CCDC14: variants seen among roughly 807,000 people sequenced by gnomAD.
The protein encoded by CCDC14 is coiled-coil domain containing 14.
Under a neutral mutation model 81.4 loss-of-function variants are expected in CCDC14, and 71 were observed. The ratio of observed to expected loss-of-function variants is 0.87; its 90% CI spans 0.72 to 1.06. The LOEUF (loss-of-function observed/expected upper bound fraction) is 1.06, where lower values mean the gene tolerates loss of function less well. CCDC14 is among the 50% of genes least tolerant of loss of function. The probability of loss-of-function intolerance (pLI) is 0.00; values close to 1 mark genes in which losing one functional copy is unlikely to be tolerated. For missense variants in CCDC14, 1,046 were observed against 1,047.3 expected (o/e 1.00, Z 0.02); for synonymous variants, 332 against 364.8 (o/e 0.91, Z 1.03).
At position 123,914,772 on chromosome 3, in the gene CCDC14, T is replaced by G; in HGVS notation, c.*7A>C. On this transcript the variant is annotated 3_prime_UTR_variant, in exon 13 of 13. Coordinates refer to ENST00000409697, the MANE Select transcript of CCDC14 (RefSeq NM_001366335.1). ...AAAAGAAGCACCTGATGAGTTTTCT[T>G]CTGAATTCATTTCTCCAGAAGACCA... The G allele has an allele frequency of 1.3e-6, 2 of 1,501,486 alleles. No homozygotes were observed. Among genetic ancestry groups the G allele is most frequent in the Non-Finnish European group, 1.8e-6 (2 of 1,124,810 alleles). 93.0% of individuals were successfully genotyped at this position (1,501,486 alleles called of 1,614,324 possible). A position where few individuals can be genotyped will look rare whatever the true frequency, so the allele number is the denominator to read the frequency against.
intron 5 of CCDC14, among the ~76,000 whole-genome samples, chr3:123,899,381 G>A (rs1421583943): frequency 6.6e-6 from 1 of 152,144 alleles, no homozygotes; most frequent in African/African-American, 2.4e-5. Context: ...ATCCCCAAAT[G>A]TAAATCTCTA....
chr3:123,893,459 C>T (rs1577191539), downstream of CCDC14, among the ~76,000 whole-genome samples: 1 of 152,080 alleles, frequency 6.6e-6, no homozygotes, highest in South Asian at 2.1e-4. Flanking sequence ...TTTTGTTTAT[C>T]CATTCTTCTG....
chr3:123,923,066 A>G (rs2035147503), intron 12 of CCDC14, among the ~76,000 whole-genome samples: 1 of 152,172 alleles, frequency 6.6e-6, no homozygotes, highest in South Asian at 2.1e-4. Flanking sequence ...ACAATAAATT[A>G]AAAGAATTAT....
Position 123,954,461 on chromosome 3 carries a change from A to C in CCDC14, c.352+1382T>G, listed in dbSNP as rs377150267. The C allele has an allele frequency of 5.9e-5, 9 of 152,340 alleles. No homozygotes were observed. The East Asian group carries it at 9.6e-4, about 16-fold the overall frequency. The allele number at this position is 152,340 out of a possible 1,614,324, so 9.4% of individuals were successfully genotyped here. ...GCTGTAGTGTATTGAGCTTAGACCA[A>C]TGCTGTCCAATAGAAATATAATACA... On this transcript the variant is annotated intron_variant, in intron 5 of 12. Transcript: ENST00000409697.
rs549490423 is a variant in CCDC14, at chr3:123,901,318, T to A, written c.668-3705A>T. Among the ~76,000 whole-genome samples the A allele has an allele frequency of 1.6e-3, 242 of 152,186 alleles. 1 individual carries two copies. Among genetic ancestry groups the A allele is most frequent in the African/African-American group, 5.6e-3 (231 of 41,544 alleles). On this transcript the variant is annotated intron_variant, in intron 5 of 5. Coordinates refer to the CCDC14 transcript ENST00000479903. ...CAGTGATACTATAACACTTATAAAT[T>A]CAATTCAATATAGCATTAGCAAGAA... is the stretch of plus-strand genomic sequence containing the variant.
rs2034522457 is a variant in CCDC14, at chr3:123,914,022, T to C, written c.*757A>G. On this transcript the variant is annotated 3_prime_UTR_variant, in exon 13 of 13. Coordinates refer to ENST00000409697, the MANE Select transcript of CCDC14 (RefSeq NM_001366335.1). ...TCAATGCCAAGATTTACAAATTCCA[T>C]CATGTTTAAATATAAGGACAAAAAT... 1.0e-6 allele frequency: 1 copy of C among 985,198 alleles called. No homozygotes were observed. The highest frequency in any genetic ancestry group is 1.7e-5 in the African/African-American group (1 of 57,190). The allele number at this position is 985,198 out of a possible 1,614,324, so 61.0% of individuals were successfully genotyped here.
intron 7 of CCDC14, 124 bp downstream of exon 7, chr3:123,948,567 A>G (rs2036803256): frequency 2.4e-6 from 2 of 850,438 alleles, no homozygotes; most frequent in Non-Finnish European, 1.8e-6. Flanking sequence ...TTTATAGCAA[A>G]AAAAAATAAA....
intron 7 of CCDC14, among the ~76,000 whole-genome samples, chr3:123,948,414 G>T (rs1449951052): frequency 6.6e-6 from 1 of 151,824 alleles, no homozygotes; most frequent in African/African-American, 2.4e-5. Context: ...GCTAATTTCT[G>T]TATTTTTCGT....
chr3:123,908,354 C>CT (rs1315470813), intron 5 of CCDC14, among the ~76,000 whole-genome samples: 2 of 152,084 alleles, frequency 1.3e-5, no homozygotes, highest in Non-Finnish European at 2.9e-5. Context: ...GGCACACTGT[C>CT]TTATTTGTCT....
In CCDC14 at chr3:123,914,365, A is replaced by T; in HGVS notation, c.*414T>A. ...TAAAAACACATTGCTATTAAAAAAA[A>T]GTATATGTAAACAGAAAAAAAAAAC... On this transcript the variant is annotated 3_prime_UTR_variant, in exon 13 of 13. Coordinates refer to ENST00000409697, the MANE Select transcript of CCDC14 (RefSeq NM_001366335.1). 1 of 985,182 alleles carries T rather than the reference A, an allele frequency of 1.0e-6. No individual in the cohort carries two copies. Among genetic ancestry groups the T allele is most frequent in the Non-Finnish European group, 1.2e-6 (1 of 829,606 alleles). 61.0% of individuals were successfully genotyped at this position (985,182 alleles called of 1,614,324 possible).
intron 9 of CCDC14, among the ~76,000 whole-genome samples, chr3:123,943,942 T>C (rs2036492608): frequency 6.6e-6 from 1 of 152,160 alleles, no homozygotes. Context: ...CTCTAGCAAA[T>C]TAACTGAGCC....
chr3:123,930,896 G>A, intron 12 of CCDC14: 1 of 497,388 alleles, frequency 2.0e-6, no homozygotes, highest in South Asian at 3.5e-5. Flanking sequence ...AGAATCACAT[G>A]GTTTTAAAAA....
At chr3:123,889,265 T>C in the CCDC14 span, among the ~76,000 whole-genome samples, 2 of 152,016 alleles carry the variant, frequency 1.3e-5, no homozygotes, top group Non-Finnish European at 2.9e-5. Flanking sequence ...TTTTTAAAAT[T>C]AGCCAAGTGT....
exon 6 of CCDC14, chr3:123,897,588 C>T (rs2034091403): frequency 1.7e-6 from 2 of 1,203,882 alleles, no homozygotes; most frequent in Non-Finnish European, 2.1e-6. Context: ...CTTTGCAGAA[C>T]ATTTAAGTCC....
intron 12 of CCDC14, among the ~76,000 whole-genome samples, chr3:123,923,149 T>A (rs1033416935): frequency 2.6e-5 from 4 of 152,088 alleles, no homozygotes; most frequent in Non-Finnish European, 4.4e-5. Flanking sequence ...GAATGTGATA[T>A]ACCACATTAA....
At position 123,934,406 on chromosome 3, in the gene CCDC14, G is replaced by C. The variant is rs2035945069; in HGVS notation, c.1344-651C>G. On this transcript the variant is annotated intron_variant, in intron 9 of 12. Transcript: ENST00000409697. ...TCATGCTGTTTCTCATCGTCTTTCT[G>C]TGTATCTTCATCACTGTAGTTAATC... Among the ~76,000 whole-genome samples the C allele has an allele frequency of 2.1e-5, 3 of 142,842 alleles. No individual in the cohort carries two copies. The South Asian group carries it at 6.5e-4, about 31-fold the overall frequency. 93.7% of individuals were successfully genotyped at this position (142,842 alleles called of 152,430 possible).
the CCDC14 span, among the ~76,000 whole-genome samples, chr3:123,887,044 A>C: frequency 1.3e-5 from 2 of 152,170 alleles, no homozygotes; most frequent in Non-Finnish European, 2.9e-5. Flanking sequence ...TATAATAATA[A>C]TCTCAGAATA....
the CCDC14 span, among the ~76,000 whole-genome samples, chr3:123,890,780 G>T: frequency 1.3e-5 from 2 of 152,158 alleles, no homozygotes; most frequent in Non-Finnish European, 2.9e-5. Context: ...CCATTCTGGG[G>T]TCTGGAGGAC....
chr3:123,904,115 A>G (rs1177479719), intron 5 of CCDC14, among the ~76,000 whole-genome samples: 2 of 152,226 alleles, frequency 1.3e-5, no homozygotes, highest in Non-Finnish European at 2.9e-5. Context: ...TAATAATTCC[A>G]TATCATGGAA....
Sources: allele counts gnomAD v4.1 joint callset (sites outside exome capture counted in the v4.1 genomes callset), GRCh38; gene constraint gnomAD v4.1.1; transcripts MANE v1.5; gene names NCBI Gene and HGNC (gene_info 2026-07-23, HGNC 2026-07-21).